TNFAIP8: variants seen among roughly 807,000 people sequenced by gnomAD.
TNFAIP8 encodes the protein TNF alpha induced protein 8, also known as tumor necrosis factor alpha-induced protein 8.
TNFAIP8 carries 7 observed loss-of-function variants against 13.3 expected under a neutral mutation model. The observed-to-expected ratio is 0.52, with a 90% CI of 0.30 to 0.99. TNFAIP8 has a LOEUF of 0.99. Ranked by LOEUF, TNFAIP8 falls within the 50% of genes least tolerant of loss-of-function variation. The pLI, the probability that TNFAIP8 is intolerant of heterozygous loss-of-function variation, is 0.07. For missense variants in TNFAIP8, 258 were observed against 236.9 expected (o/e 1.09, Z -0.58); for synonymous variants, 94 against 87.6 (o/e 1.07, Z -0.41).
At chr5:119,298,985 G>C (rs534521777) in intron 1 of TNFAIP8, among the ~76,000 whole-genome samples, 4,565 of 152,030 alleles carry the variant, frequency 0.03, 240 homozygotes, top group African/African-American at 0.1. Context: ...TCTCTGTATT[G>C]GTTATTCTAG....
chr5:119,343,679 C>G (rs1750810161), intron 1 of TNFAIP8, among the ~76,000 whole-genome samples: 1 of 152,156 alleles, frequency 6.6e-6, no homozygotes, highest in Non-Finnish European at 1.5e-5. Context: ...GGAGCTGCCT[C>G]AAAGACAACT....
At chr5:119,302,616 C>G (rs1749431115) in intron 1 of TNFAIP8, among the ~76,000 whole-genome samples, 1 of 152,154 alleles carries the variant, frequency 6.6e-6, no homozygotes, top group Non-Finnish European at 1.5e-5. Context: ...CACAGTCTTT[C>G]AGTGGACATT....
intron 1 of TNFAIP8, chr5:119,316,411 G>C (rs928780343): frequency 6.6e-6 from 1 of 152,070 alleles, no homozygotes; most frequent in African/African-American, 2.4e-5. Flanking sequence ...CTCGCATCTC[G>C]ACCTCCCAAA....
chr5:119,390,797 T>G (rs1376625569), intron 1 of TNFAIP8, among the ~76,000 whole-genome samples: 1 of 151,970 alleles, frequency 6.6e-6, no homozygotes, highest in Non-Finnish European at 1.5e-5. Context: ...TCTAATTTGG[T>G]TCTTCTTTTC....
chr5:119,348,137 T>C (rs144845954), intron 1 of TNFAIP8, among the ~76,000 whole-genome samples: 2 of 152,300 alleles, frequency 1.3e-5, no homozygotes, highest in Non-Finnish European at 2.9e-5. Flanking sequence ...GTGAGCACAC[T>C]GAGGAGAAAG....
In TNFAIP8 at chr5:119,393,822, C is replaced by G. The variant is rs1752994558; in HGVS notation, c.*441C>G. 6.3e-6 allele frequency: 1 copy of G among 158,462 alleles called. No individual in the cohort carries two copies. The highest frequency in any genetic ancestry group is 6.0e-5 in the Admixed American group (1 of 16,684). 9.8% of individuals were successfully genotyped at this position (158,462 alleles called of 1,614,324 possible). On this transcript the variant is annotated 3_prime_UTR_variant, in exon 2 of 2. Transcript: ENST00000504771. ...CAAGAACTTTCTCTTGCTATCATTG[C>G]TCCTTTTGAAACAATTCAATTTTCA...
chr5:119,282,898 A>T (rs138937382), intron 1 of TNFAIP8, among the ~76,000 whole-genome samples: 4 of 152,210 alleles, frequency 2.6e-5, no homozygotes, highest in African/African-American at 9.7e-5. Flanking sequence ...TGTGACCCAG[A>T]TGCATTTTGC....
At chr5:119,333,189 T>C (rs1207770297) in intron 1 of TNFAIP8, 2 of 993,070 alleles carry the variant, frequency 2.0e-6, no homozygotes, top group Non-Finnish European at 2.4e-6. Context: ...TTGAATATAC[T>C]CCTGTTTGCT....
intron 1 of TNFAIP8, among the ~76,000 whole-genome samples, chr5:119,380,566 T>C (rs1205958366): frequency 6.6e-6 from 1 of 152,254 alleles, no homozygotes; most frequent in African/African-American, 2.4e-5. Context: ...CAAGAAAATA[T>C]GTAAATAAAT....
At chr5:119,356,321 A>C (rs1235986201) in intron 1 of TNFAIP8, among the ~76,000 whole-genome samples, 200 bp downstream of exon 1, 1 of 152,266 alleles carries the variant, frequency 6.6e-6, no homozygotes, top group African/African-American at 2.4e-5. Flanking sequence ...GCAGCCGTTC[A>C]GAGGGGAGGG....
intron 1 of TNFAIP8, among the ~76,000 whole-genome samples, chr5:119,372,085 C>T (rs1417572516): frequency 1.2e-4 from 18 of 150,984 alleles, no homozygotes; most frequent in African/African-American, 2.9e-4. Context: ...TGCAGTGAGC[C>T]GAGATCGCGC....
At chr5:119,379,776 A>G (rs899087944) in intron 1 of TNFAIP8, among the ~76,000 whole-genome samples, 2 of 152,046 alleles carry the variant, frequency 1.3e-5, no homozygotes, top group African/African-American at 4.8e-5. Context: ...TATTTTTAGT[A>G]GAGATGGGGT....
intron 1 of TNFAIP8, among the ~76,000 whole-genome samples, chr5:119,293,015 G>C (rs1749046553): frequency 6.6e-6 from 1 of 151,748 alleles, no homozygotes; most frequent in African/African-American, 2.4e-5. Context: ...ATTATTCCAG[G>C]TTCATCTGTG....
At chr5:119,369,057 T>C (rs1751978006) in intron 1 of TNFAIP8, among the ~76,000 whole-genome samples, 1 of 146,658 alleles carries the variant, frequency 6.8e-6, no homozygotes, top group South Asian at 2.1e-4. Context: ...TTTCTTTTCT[T>C]TTTTTTTTTT....
chr5:119,381,912 AC>A (rs1185385444), intron 1 of TNFAIP8, among the ~76,000 whole-genome samples: 1 of 151,810 alleles, frequency 6.6e-6, no homozygotes, highest in Non-Finnish European at 1.5e-5. Context: ...AGCCTGCAAG[AC>A]TCCGTCTCAA....
intron 1 of TNFAIP8, among the ~76,000 whole-genome samples, chr5:119,388,403 G>C (rs111363302): frequency 6.6e-6 from 1 of 152,156 alleles, no homozygotes; most frequent in Non-Finnish European, 1.5e-5. Flanking sequence ...TCATAGAAAA[G>C]TATTTGAGTA....
intron 1 of TNFAIP8, among the ~76,000 whole-genome samples, chr5:119,357,671 A>G (rs971701440): frequency 2.0e-5 from 3 of 151,838 alleles, no homozygotes; most frequent in Non-Finnish European, 2.9e-5. Context: ...AAACTGGCCT[A>G]TGAAGAGGTT....
intron 1 of TNFAIP8, among the ~76,000 whole-genome samples, chr5:119,285,395 G>A (rs558046496): frequency 7.5e-4 from 114 of 152,292 alleles, no homozygotes; most frequent in African/African-American, 2.7e-3. Context: ...AGTATCCTGG[G>A]TCCCTGTGGG....
Position 119,394,763 on chromosome 5 carries a change from C to G in TNFAIP8, c.*1382C>G, listed in dbSNP as rs1263880278. The stretch of plus-strand genomic sequence containing the variant: ...CTGGGATTACAGGCATGCACCACCA[C>G]ACCCAGCTAATTTTTGTATTTTTAG... On this transcript the variant is annotated 3_prime_UTR_variant, in exon 2 of 2. Transcript: ENST00000504771. 3 of 152,112 alleles carry G rather than the reference C, an allele frequency of 2.0e-5. No homozygotes were observed. Among genetic ancestry groups the G allele is most frequent in the African/African-American group, 7.2e-5 (3 of 41,390 alleles). The allele number at this position is 152,112 out of a possible 1,614,324, so 9.4% of individuals were successfully genotyped here.
Sources: gnomAD v4.1 joint callset for allele counts (sites outside exome capture counted in the v4.1 genomes callset) on GRCh38, gnomAD v4.1.1 for gene constraint, MANE v1.5 for transcripts, NCBI Gene and HGNC (gene_info 2026-07-23, HGNC 2026-07-21) for gene names.